The following RAB6A variants were observed in gnomAD, a reference collection of about 807,000 sequenced individuals.
RAB6A encodes the protein RAB6A, member RAS oncogene family, also known as ras-related protein Rab-6A.
Under a neutral mutation model 32.3 loss-of-function variants are expected in RAB6A, and 8 were observed. The ratio of observed to expected loss-of-function variants is 0.25; its 90% CI spans 0.15 to 0.45. The LOEUF is 0.45. Ranked by LOEUF, RAB6A falls within the 20% of genes least tolerant of loss-of-function variation. The pLI, the probability that RAB6A is intolerant of heterozygous loss-of-function variation, is 1.00. For synonymous variants in RAB6A, 73 were observed against 82.1 expected (o/e 0.89, Z 0.60); for missense variants, 104 against 249.4 (o/e 0.42, Z 3.93).
intron 2 of RAB6A, among the ~76,000 whole-genome samples, chr11:73,724,903 T>A (rs1946193794): frequency 6.6e-6 from 1 of 152,188 alleles, no homozygotes; most frequent in African/African-American, 2.4e-5. Flanking sequence ...GTTGATTTGT[T>A]CACTGCAGTA....
chr11:73,713,398 G>A (rs568685125), intron 5 of RAB6A, among the ~76,000 whole-genome samples: 47 of 152,166 alleles, frequency 3.1e-4, no homozygotes, highest in Admixed American at 1.9e-3. Context: ...GTGAAACCCC[G>A]TCTCTACTAA....
chr11:73,746,057 A>G (rs893292815), intron 1 of RAB6A, among the ~76,000 whole-genome samples: 1 of 151,874 alleles, frequency 6.6e-6, no homozygotes, highest in Admixed American at 6.6e-5. Flanking sequence ...TCAAGTGCAG[A>G]GTTCGCACCA....
chr11:73,724,159 T>C (rs1296834098), intron 2 of RAB6A, among the ~76,000 whole-genome samples: 1 of 152,156 alleles, frequency 6.6e-6, no homozygotes, highest in East Asian at 1.9e-4. Context: ...AGAACAGCTA[T>C]GTAAAGCATG....
chr11:73,743,472 G>A (rs1451624025), intron 1 of RAB6A, among the ~76,000 whole-genome samples: 1 of 152,014 alleles, frequency 6.6e-6, no homozygotes, highest in African/African-American at 2.4e-5. Context: ...TGTCAAACTT[G>A]AGTTTGAAGC....
At chr11:73,723,530 T>C (rs746398493) in intron 2 of RAB6A, among the ~76,000 whole-genome samples, 1 of 152,004 alleles carries the variant, frequency 6.6e-6, no homozygotes, top group African/African-American at 2.4e-5. Context: ...TTTCACTATA[T>C]GTTGGCCAGG....
At chr11:73,711,714 A>G (rs1458146850) in intron 5 of RAB6A, among the ~76,000 whole-genome samples, 1 of 152,202 alleles carries the variant, frequency 6.6e-6, no homozygotes, top group Non-Finnish European at 1.5e-5. Context: ...TCTCCTCCAT[A>G]GGAGTATTAC....
intron 1 of RAB6A, among the ~76,000 whole-genome samples, chr11:73,741,155 C>G (rs938781991): frequency 2.6e-5 from 4 of 151,970 alleles, no homozygotes; most frequent in Admixed American, 2.0e-4. Context: ...CCCCACCCCC[C>G]CAACAGAGTC....
intron 1 of RAB6A, among the ~76,000 whole-genome samples, chr11:73,752,544 C>A (rs1379661924): frequency 6.6e-6 from 1 of 152,092 alleles, no homozygotes; most frequent in East Asian, 1.9e-4. Context: ...AGAACTGGCA[C>A]GGTGGCTCAT....
intron 1 of RAB6A, among the ~76,000 whole-genome samples, chr11:73,753,114 A>G (rs1433878651): frequency 6.6e-6 from 1 of 151,454 alleles, no homozygotes; most frequent in Non-Finnish European, 1.5e-5. Flanking sequence ...GCCGAGCGCA[A>G]TGGCGAATGC....
intron 6 of RAB6A, among the ~76,000 whole-genome samples, chr11:73,706,286 C>T (rs1945841606): frequency 1.3e-5 from 2 of 151,940 alleles, no homozygotes; most frequent in African/African-American, 4.8e-5. Context: ...GAGGCTGAGG[C>T]AGGCAGATCA....
intron 6 of RAB6A, among the ~76,000 whole-genome samples, chr11:73,688,119 T>C (rs1945489090): frequency 6.6e-6 from 1 of 152,204 alleles, no homozygotes. Context: ...CAACTTTCCT[T>C]TTGTGATTAA....
chr11:73,749,822 A>G (rs1393806113), intron 1 of RAB6A, among the ~76,000 whole-genome samples: 1 of 152,140 alleles, frequency 6.6e-6, no homozygotes, highest in Non-Finnish European at 1.5e-5. Flanking sequence ...TGATCACATC[A>G]CTACTCTCCA....
chr11:73,678,735 TTG>T (rs1491477311), intron 7 of RAB6A, among the ~76,000 whole-genome samples: 8 of 149,674 alleles, frequency 5.3e-5, no homozygotes, highest in African/African-American at 1.7e-4. Context: ...GTTTTTTTTT[TTG>T]GGGGGGGAAT....
chr11:73,754,185 T>C (rs933896894), intron 1 of RAB6A, among the ~76,000 whole-genome samples: 16 of 152,208 alleles, frequency 1.1e-4, no homozygotes, highest in African/African-American at 3.4e-4. Context: ...CTACCAGTCC[T>C]CTAGTGCTCT....
intron 6 of RAB6A, among the ~76,000 whole-genome samples, 154 bp from the exon 7 acceptor site, chr11:73,679,874 C>T (rs551858791): frequency 6.6e-6 from 1 of 151,940 alleles, no homozygotes; most frequent in African/African-American, 2.4e-5. Context: ...GTGGGCAGAT[C>T]ACTTGAGGTC....
chr11:73,745,572 T>C (rs10751229), intron 1 of RAB6A, among the ~76,000 whole-genome samples: 73,387 of 151,926 alleles, frequency 0.48, 19,086 homozygotes, highest in East Asian at 0.6. Flanking sequence ...TGGTGAAACC[T>C]TGTCTCTATT....
intron 7 of RAB6A, among the ~76,000 whole-genome samples, chr11:73,679,431 C>G (rs1391441380): frequency 6.6e-6 from 1 of 152,154 alleles, no homozygotes; most frequent in Non-Finnish European, 1.5e-5. Flanking sequence ...AGCAAGCAAA[C>G]AAACACAAAA....
chr11:73,734,625 A>G (rs1433474395), intron 1 of RAB6A, among the ~76,000 whole-genome samples: 1 of 152,124 alleles, frequency 6.6e-6, no homozygotes, highest in Non-Finnish European at 1.5e-5. Context: ...TTAGATTCTC[A>G]TAAGGAGCAT....
chr11:73,710,201 C>T (rs1282906224), intron 5 of RAB6A, among the ~76,000 whole-genome samples: 1 of 149,156 alleles, frequency 6.7e-6, no homozygotes, highest in African/African-American at 2.4e-5. Flanking sequence ...CTCCGGACCT[C>T]GTGATCCACC....
Sources: allele counts gnomAD v4.1 joint callset (sites outside exome capture counted in the v4.1 genomes callset), GRCh38; gene constraint gnomAD v4.1.1; transcripts MANE v1.5; gene names NCBI Gene and HGNC (gene_info 2026-07-23, HGNC 2026-07-21).